Variants in UBE2H observed in about 807,000 individuals in gnomAD.
UBE2H encodes ubiquitin-conjugating enzyme E2 H.
UBE2H carries 3 observed loss-of-function variants against 29.0 expected under a neutral mutation model. The ratio of observed to expected loss-of-function variants is 0.10; its 90% CI spans 0.05 to 0.27. UBE2H has a LOEUF of 0.27. Ranked by LOEUF, UBE2H falls within the 10% of genes least tolerant of loss-of-function variation. UBE2H has a pLI of 1.00. For missense variants in UBE2H, 68 were observed against 228.2 expected (o/e 0.30, Z 4.52); for synonymous variants, 69 against 82.9 (o/e 0.83, Z 0.91).
At chr7:129,903,762 T>A (rs1806763158) in intron 1 of UBE2H, among the ~76,000 whole-genome samples, 2 of 152,074 alleles carry the variant, frequency 1.3e-5, no homozygotes, top group Non-Finnish European at 2.9e-5. Flanking sequence ...CAAAACTAGC[T>A]GAGCACAGTG....
intron 1 of UBE2H, among the ~76,000 whole-genome samples, chr7:129,909,201 AT>A (rs1806880406): frequency 6.6e-6 from 1 of 152,204 alleles, no homozygotes; most frequent in Non-Finnish European, 1.5e-5. Context: ...ACTATGTAAT[AT>A]AAGGAGCAGG....
intron 3 of UBE2H, among the ~76,000 whole-genome samples, chr7:129,878,893 T>G (rs1256375036): frequency 6.7e-6 from 1 of 149,636 alleles, no homozygotes; most frequent in East Asian, 1.9e-4. Flanking sequence ...TTAACTAAAT[T>G]ACTACCATTC....
chr7:129,852,193 A>G (rs1805622644), intron 5 of UBE2H, among the ~76,000 whole-genome samples: 1 of 152,258 alleles, frequency 6.6e-6, no homozygotes, highest in Admixed American at 6.5e-5. Flanking sequence ...GCACTAATCC[A>G]GCATAAAGCA....
chr7:129,867,829 G>GCA (rs1805945888), intron 3 of UBE2H, among the ~76,000 whole-genome samples: 2 of 136,820 alleles, frequency 1.5e-5, no homozygotes, highest in African/African-American at 5.5e-5. Flanking sequence ...TAAAAAACAA[G>GCA]CACACACACA....
intron 5 of UBE2H, among the ~76,000 whole-genome samples, chr7:129,841,982 A>T (rs895503907): frequency 6.6e-6 from 1 of 152,256 alleles, no homozygotes; most frequent in Admixed American, 6.5e-5. Context: ...AAAAATGCTT[A>T]TACTTGAATG....
chr7:129,910,099 C>T (rs1443008214), intron 1 of UBE2H, among the ~76,000 whole-genome samples: 2 of 152,090 alleles, frequency 1.3e-5, no homozygotes, highest in East Asian at 1.9e-4. Context: ...GAGGCTGAAG[C>T]AGGCATATCA....
intron 3 of UBE2H, among the ~76,000 whole-genome samples, chr7:129,871,525 G>A (rs992730497): frequency 6.6e-6 from 1 of 152,004 alleles, no homozygotes; most frequent in Non-Finnish European, 1.5e-5. Flanking sequence ...CACCAGCCTG[G>A]GCAACATGGT....
intron 1 of UBE2H, among the ~76,000 whole-genome samples, chr7:129,925,085 C>T (rs1807238689): frequency 6.6e-6 from 1 of 152,110 alleles, no homozygotes; most frequent in Non-Finnish European, 1.5e-5. Context: ...CACGGTGGTT[C>T]ACGCCTATAA....
intron 1 of UBE2H, among the ~76,000 whole-genome samples, chr7:129,894,580 C>T (rs1308544403): frequency 1.3e-5 from 2 of 150,298 alleles, no homozygotes; most frequent in Admixed American, 6.7e-5. Context: ...CTCCACCTCC[C>T]GGGTTCAAGT....
chr7:129,881,581 G>A lies in UBE2H; in HGVS notation c.54-610C>T, dbSNP rs539297440. Among the ~76,000 whole-genome samples the A allele has an allele frequency of 1.6e-4, 24 of 152,226 alleles. No homozygotes were observed. In the East Asian group the frequency reaches 1.7e-3, roughly 11 times the overall value. On this transcript the variant is annotated intron_variant, in intron 1 of 6. Coordinates refer to ENST00000355621, the MANE Select transcript of UBE2H (RefSeq NM_003344.4). ...AAGAATTGCTTGAAGTTGGGAGGTG[G>A]AGGTTGCAGTGAGCCGAGATCACAT...
At chr7:129,854,309 G>T (rs1432076743) in intron 5 of UBE2H, among the ~76,000 whole-genome samples, 1 of 151,970 alleles carries the variant, frequency 6.6e-6, no homozygotes, top group African/African-American at 2.4e-5. Flanking sequence ...TTATATAATT[G>T]TATTTACCTG....
chr7:129,944,161 C>A (rs977572380), intron 1 of UBE2H, among the ~76,000 whole-genome samples: 3 of 151,124 alleles, frequency 2.0e-5, no homozygotes, highest in African/African-American at 7.3e-5. Context: ...TCAAGACCAT[C>A]CTCGCTAACA....
chr7:129,934,836 G>A (rs1305851829), intron 1 of UBE2H, among the ~76,000 whole-genome samples: 1 of 151,358 alleles, frequency 6.6e-6, no homozygotes, highest in Admixed American at 6.6e-5. Flanking sequence ...GGAGGCCAAG[G>A]TAGCCAGATC....
intron 1 of UBE2H, among the ~76,000 whole-genome samples, chr7:129,884,334 A>G (rs141298537): frequency 0.064 from 9,570 of 149,538 alleles, 364 homozygotes; most frequent in Non-Finnish European, 0.092. Context: ...GGAGAATGGC[A>G]TGAACACGGG....
chr7:129,874,802 C>A (rs1329385511), intron 3 of UBE2H, among the ~76,000 whole-genome samples: 4 of 151,798 alleles, frequency 2.6e-5, no homozygotes, highest in Non-Finnish European at 5.9e-5. Context: ...GAGGTAACCA[C>A]CCAAGAGAAG....
At position 129,850,823 on chromosome 7, in the gene UBE2H, A is replaced by AAG. The variant is rs745877079; in HGVS notation, c.298+6686_298+6687dup. The stretch of plus-strand genomic sequence containing the variant: ...GAGTAAGACTCTGTCTCAAAAAAGA[A>AAG]AGAGAGAGAGAGAGAAAGAGAGAGA... On this transcript the variant is annotated intron_variant, in intron 5 of 6. Transcript: ENST00000355621. Among the ~76,000 whole-genome samples the AAG allele has an allele frequency of 2.4e-3, 352 of 147,518 alleles. 2 individuals carry two copies. The highest frequency in any genetic ancestry group is 3.5e-3 in the Non-Finnish European group (233 of 66,820).
At chr7:129,854,060 G>GGTTTTTTTT (rs1554430936) in intron 5 of UBE2H, among the ~76,000 whole-genome samples, 1 of 100,312 alleles carries the variant, frequency 1.0e-5, no homozygotes, top group Non-Finnish European at 2.0e-5. Flanking sequence ...TTTAGTGTTA[G>GGTTTTTTTT]TTTTTTTTTT....
intron 1 of UBE2H, among the ~76,000 whole-genome samples, chr7:129,914,963 G>A (rs190369821): frequency 1.4e-4 from 21 of 152,246 alleles, no homozygotes; most frequent in Admixed American, 1.0e-3. Context: ...CCCAGGATGC[G>A]CTCAAATGTC....
At chr7:129,935,148 G>A (rs1018724239) in intron 1 of UBE2H, among the ~76,000 whole-genome samples, 1 of 151,366 alleles carries the variant, frequency 6.6e-6, no homozygotes, top group Non-Finnish European at 1.5e-5. Context: ...TTTAAGGCTG[G>A]GCATGGTGGC....
Sources: allele counts gnomAD v4.1 joint callset (sites outside exome capture counted in the v4.1 genomes callset), GRCh38; gene constraint gnomAD v4.1.1; transcripts MANE v1.5; gene names NCBI Gene and HGNC (gene_info 2026-07-23, HGNC 2026-07-21).